MCPH1: variants seen among roughly 807,000 people sequenced by gnomAD.
MCPH1 encodes microcephalin 1, also known as microcephalin.
A neutral mutation model predicts 84.5 loss-of-function variants in MCPH1; 104 were observed. The observed-to-expected ratio is 1.23, with a 90% CI of 1.05 to 1.45. The LOEUF is 1.45. Ranked by LOEUF, MCPH1 falls within the 40% of genes most tolerant of loss-of-function variation. The pLI is 0.00. For missense variants in MCPH1, 1,498 were observed against 1,005.7 expected, an observed-to-expected ratio of 1.49 and a Z score of -6.62; for synonymous variants, 514 against 366.8, an observed-to-expected ratio of 1.40 and a Z score of -4.58.
At chr8:6,476,827 A>T (rs1808521236) in intron 9 of MCPH1, among the ~76,000 whole-genome samples, 1 of 152,220 alleles carries the variant, frequency 6.6e-6, no homozygotes, top group Non-Finnish European at 1.5e-5. Flanking sequence ...TATATGAATA[A>T]TGTGAATTCA....
chr8:6,548,482 A>C (rs545447256), intron 12 of MCPH1, among the ~76,000 whole-genome samples: 12 of 152,248 alleles, frequency 7.9e-5, no homozygotes, highest in African/African-American at 2.9e-4. Flanking sequence ...CTCGAGGAAA[A>C]TGCTGGGTTT....
rs73664544 is a variant in MCPH1, at chr8:6,548,280, G to C, written c.2214+48351G>C. Among the ~76,000 whole-genome samples the C allele has an allele frequency of 2.6e-3, 397 of 152,274 alleles. 3 individuals are homozygous for C. Among genetic ancestry groups the C allele is most frequent in the African/African-American group, 9.3e-3 (387 of 41,550 alleles). On this transcript the variant is annotated intron_variant, in intron 12 of 13. Transcript: ENST00000344683. ...GCACCCTGGCATTTTCAGGTGGTGT[G>C]TGTAGACCTGACAGGACTCTACTCG... is the stretch of plus-strand genomic sequence containing the variant.
chr8:6,621,062 C>A, intron 12 of MCPH1: 1 of 317,812 alleles, frequency 3.1e-6, no homozygotes, highest in South Asian at 2.9e-5. Context: ...CCAGCACAGC[C>A]GGCATTTGCA....
At chr8:6,600,842 G>C (rs961352870) in intron 12 of MCPH1, among the ~76,000 whole-genome samples, 7 of 152,190 alleles carry the variant, frequency 4.6e-5, no homozygotes, top group African/African-American at 1.7e-4. Flanking sequence ...CTCCCATCAA[G>C]GGTGAGTGCA....
At chr8:6,537,997 A>G (rs1347462103) in intron 12 of MCPH1, among the ~76,000 whole-genome samples, 2 of 152,162 alleles carry the variant, frequency 1.3e-5, no homozygotes, top group South Asian at 2.1e-4. Flanking sequence ...AAAGACCTTG[A>G]ATTTTCTGGT....
intron 11 of MCPH1, among the ~76,000 whole-genome samples, chr8:6,497,797 C>A (rs1811423007): frequency 6.6e-6 from 1 of 152,248 alleles, no homozygotes; most frequent in Non-Finnish European, 1.5e-5. Flanking sequence ...CAGAAAAAAA[C>A]TTGTGCTTTC....
intron 8 of MCPH1, among the ~76,000 whole-genome samples, chr8:6,449,025 G>A (rs914622378): frequency 6.6e-6 from 1 of 152,004 alleles, no homozygotes; most frequent in Non-Finnish European, 1.5e-5. Context: ...TCATTTAATT[G>A]GAGTTCAGAC....
intron 12 of MCPH1, among the ~76,000 whole-genome samples, chr8:6,576,047 TTAAAAAAAA>T (rs1827059965): frequency 1.4e-5 from 2 of 138,394 alleles, no homozygotes; most frequent in South Asian, 2.3e-4. Context: ...TAATACAGCC[TTAAAAAAAA>T]AAAAAAAAAA....
chr8:6,638,910 C>T (rs1035699217), intron 13 of MCPH1, among the ~76,000 whole-genome samples: 2 of 152,190 alleles, frequency 1.3e-5, no homozygotes, highest in African/African-American at 4.8e-5. Context: ...GCGCTTCAGA[C>T]CTCCCAGAGT....
chr8:6,563,548 A>C (rs1244545843), intron 12 of MCPH1: 2 of 152,272 alleles, frequency 1.3e-5, no homozygotes, highest in African/African-American at 4.8e-5. Flanking sequence ...TTGCCGTGCT[A>C]AGCTGGCAAA....
intron 12 of MCPH1, among the ~76,000 whole-genome samples, chr8:6,585,558 C>A (rs1827908029): frequency 6.6e-6 from 1 of 152,242 alleles, no homozygotes; most frequent in Non-Finnish European, 1.5e-5. Flanking sequence ...GTTTACCTCT[C>A]TAAATGTCAA....
intron 12 of MCPH1, among the ~76,000 whole-genome samples, chr8:6,547,126 GC>G (rs1822744573): frequency 6.6e-6 from 1 of 151,824 alleles, no homozygotes; most frequent in Non-Finnish European, 1.5e-5. Flanking sequence ...AACTCATGTG[GC>G]CTATTTCTGC....
intron 12 of MCPH1, among the ~76,000 whole-genome samples, chr8:6,598,830 G>A (rs1324500641): frequency 6.6e-6 from 1 of 152,224 alleles, no homozygotes; most frequent in East Asian, 1.9e-4. Context: ...GGGTGGCCAG[G>A]CTGGAGCTGC....
chr8:6,483,028 C>G (rs1294775105), intron 11 of MCPH1, among the ~76,000 whole-genome samples: 1 of 152,140 alleles, frequency 6.6e-6, no homozygotes, highest in Non-Finnish European at 1.5e-5. Flanking sequence ...AAGTCACAAG[C>G]AATCTACAAA....
At chr8:6,520,054 TCAAGAGC>T in intron 12 of MCPH1, 1 of 1,576,324 alleles carries the variant, frequency 6.3e-7, no homozygotes, top group Non-Finnish European at 8.7e-7. Context: ...ACTTGTTATT[TCAAGAGC>T]CAATCATTTG....
intron 5 of MCPH1, among the ~76,000 whole-genome samples, chr8:6,437,266 C>G (rs1389840534): frequency 6.6e-6 from 1 of 151,880 alleles, no homozygotes; most frequent in Non-Finnish European, 1.5e-5. Flanking sequence ...GAGTCTTTCT[C>G]CATCACCAGG....
chr8:6,517,313 T>G (rs1308187766), intron 12 of MCPH1, among the ~76,000 whole-genome samples: 1 of 152,178 alleles, frequency 6.6e-6, no homozygotes, highest in Non-Finnish European at 1.5e-5. Flanking sequence ...AATACTTGAC[T>G]TGCTTCAACT....
intron 8 of MCPH1, chr8:6,446,335 G>A: frequency 5.1e-6 from 5 of 985,136 alleles, no homozygotes; most frequent in Non-Finnish European, 6.0e-6. Context: ...ATTTGAGTGA[G>A]AACGCATTCT....
At chr8:6,466,572 G>A (rs1313539782) in intron 9 of MCPH1, among the ~76,000 whole-genome samples, 1 of 152,184 alleles carries the variant, frequency 6.6e-6, no homozygotes. Context: ...CTCCCAAAGT[G>A]CTGGGATTAC....
Sources: gnomAD v4.1 joint callset for allele counts (sites outside exome capture counted in the v4.1 genomes callset) on GRCh38, gnomAD v4.1.1 for gene constraint, MANE v1.5 for transcripts, NCBI Gene and HGNC (gene_info 2026-07-23, HGNC 2026-07-21) for gene names.